The following SYNDIG1 variants were observed in gnomAD, a reference collection of about 807,000 sequenced individuals.
SYNDIG1 encodes the protein synapse differentiation inducing 1.
Under a neutral mutation model 19.4 loss-of-function variants are expected in SYNDIG1, and 9 were observed. That is an observed-to-expected ratio of 0.46 (90% CI 0.28 to 0.81). The LOEUF (loss-of-function observed/expected upper bound fraction) is 0.81. Ranked by LOEUF, SYNDIG1 falls within the 30% of genes least tolerant of loss-of-function variation. SYNDIG1 has a pLI of 0.12. For synonymous variants in SYNDIG1, 141 were observed against 145.9 expected (o/e 0.97, Z 0.24); for missense variants, 311 against 343.3 (o/e 0.91, Z 0.74).
chr20:24,558,731 A>G (rs574967058), intron 2 of SYNDIG1, among the ~76,000 whole-genome samples: 65 of 152,324 alleles, frequency 4.3e-4, no homozygotes, highest in African/African-American at 1.5e-3. Context: ...GCAAATTACA[A>G]TAAGCATCTT....
chr20:24,520,232 A>G (rs1435769636), intron 1 of SYNDIG1, among the ~76,000 whole-genome samples: 3 of 151,068 alleles, frequency 2.0e-5, no homozygotes, highest in Admixed American at 6.6e-5. Flanking sequence ...TGTTTAATAT[A>G]TAATTTTATA....
intron 3 of SYNDIG1, among the ~76,000 whole-genome samples, chr20:24,600,496 A>T (rs959545392): frequency 6.6e-6 from 1 of 151,186 alleles, no homozygotes; most frequent in Non-Finnish European, 1.5e-5. Flanking sequence ...CTTCCTCCCC[A>T]CCCAGTGACC....
chr20:24,609,426 C>T (rs2058812615), intron 3 of SYNDIG1, among the ~76,000 whole-genome samples: 1 of 152,174 alleles, frequency 6.6e-6, no homozygotes, highest in Non-Finnish European at 1.5e-5. Flanking sequence ...TAAAGGGTCA[C>T]TGAAGCACAG....
chr20:24,616,932 C>T (rs1254338494), intron 3 of SYNDIG1, among the ~76,000 whole-genome samples: 1 of 152,146 alleles, frequency 6.6e-6, no homozygotes, highest in African/African-American at 2.4e-5. Flanking sequence ...TACCAGGCCA[C>T]GTAGCAGAGC....
At chr20:24,533,835 G>T (rs1305639383) in intron 1 of SYNDIG1, among the ~76,000 whole-genome samples, 1 of 152,202 alleles carries the variant, frequency 6.6e-6, no homozygotes, top group Non-Finnish European at 1.5e-5. Context: ...CACGGAGTAG[G>T]GCACCCACGG....
intron 2 of SYNDIG1, among the ~76,000 whole-genome samples, chr20:24,554,015 G>C (rs1031875179): frequency 2.6e-5 from 4 of 152,168 alleles, no homozygotes; most frequent in Non-Finnish European, 5.9e-5. Flanking sequence ...TCCTTGAAGA[G>C]GTCCTTCACA....
At chr20:24,652,495 T>G (rs1478262120) in intron 3 of SYNDIG1, among the ~76,000 whole-genome samples, 1 of 152,212 alleles carries the variant, frequency 6.6e-6, no homozygotes, top group African/African-American at 2.4e-5. Flanking sequence ...GGTCCAGCCC[T>G]CGGCCTGCTC....
chr20:24,654,817 T>C (rs1600833455), intron 3 of SYNDIG1, among the ~76,000 whole-genome samples: 1 of 151,860 alleles, frequency 6.6e-6, no homozygotes, highest in African/African-American at 2.4e-5. Context: ...AGTGAAGGGG[T>C]ATAAAGATGA....
rs188055987 is a variant in SYNDIG1 at position 24,501,508 on chromosome 20, G to A, written c.-79+31755G>A. On this transcript the variant is annotated intron_variant, in intron 1 of 3. Transcript: ENST00000376862. ...CAGCCGTTTATGTGGCTGCATTTCT[G>A]ATGGGAAGCTATATAGAGTAGGGAC... Among the ~76,000 whole-genome samples, 29 of 152,262 alleles carry A rather than the reference G, an allele frequency of 1.9e-4. No individual in the cohort carries two copies. The Middle Eastern group carries it at 0.014, about 71-fold the overall frequency.
intron 1 of SYNDIG1, among the ~76,000 whole-genome samples, chr20:24,533,076 G>C (rs988178447): frequency 6.6e-6 from 1 of 152,012 alleles, no homozygotes; most frequent in Admixed American, 6.6e-5. Flanking sequence ...AGATTACTCC[G>C]CCTTCTGAGA....
At chr20:24,548,778 C>A (rs2057642847) in intron 2 of SYNDIG1, among the ~76,000 whole-genome samples, 1 of 152,114 alleles carries the variant, frequency 6.6e-6, no homozygotes, top group African/African-American at 2.4e-5. Flanking sequence ...AACATCCTTG[C>A]CTTGCTCCTG....
At chr20:24,655,978 A>C (rs770012888) in intron 3 of SYNDIG1, among the ~76,000 whole-genome samples, 11 of 152,216 alleles carry the variant, frequency 7.2e-5, no homozygotes, top group Non-Finnish European at 1.3e-4. Context: ...GTCAGACACC[A>C]TCGTGCGTGT....
At chr20:24,481,463 G>T (rs1018311466) in intron 1 of SYNDIG1, among the ~76,000 whole-genome samples, 1 of 152,176 alleles carries the variant, frequency 6.6e-6, no homozygotes, top group East Asian at 1.9e-4. Flanking sequence ...TTCATATGCC[G>T]AGGCTTCTGC....
chr20:24,470,578 T>C (rs1250158518), intron 1 of SYNDIG1, among the ~76,000 whole-genome samples: 2 of 151,850 alleles, frequency 1.3e-5, no homozygotes, highest in African/African-American at 4.9e-5. Flanking sequence ...GTGCACTCTC[T>C]GGGCAGTGAG....
chr20:24,634,570 A>C (rs1233856933), intron 3 of SYNDIG1, among the ~76,000 whole-genome samples: 1 of 152,232 alleles, frequency 6.6e-6, no homozygotes, highest in Non-Finnish European at 1.5e-5. Flanking sequence ...AGATAAAATA[A>C]AAGATATTGT....
At chr20:24,556,727 C>G (rs1385673786) in intron 2 of SYNDIG1, among the ~76,000 whole-genome samples, 2 of 152,224 alleles carry the variant, frequency 1.3e-5, no homozygotes, top group Admixed American at 1.3e-4. Flanking sequence ...TTCTCTCTAG[C>G]TGCCCTTAAC....
At chr20:24,537,930 C>T (rs1415653454) in intron 1 of SYNDIG1, among the ~76,000 whole-genome samples, 1 of 152,126 alleles carries the variant, frequency 6.6e-6, no homozygotes, top group African/African-American at 2.4e-5. Flanking sequence ...GGTCAGCGCA[C>T]AGTCTTCTTT....
intron 2 of SYNDIG1, among the ~76,000 whole-genome samples, chr20:24,571,795 C>G (rs947269391): frequency 1.3e-5 from 2 of 152,162 alleles, no homozygotes; most frequent in Non-Finnish European, 2.9e-5. Context: ...CAGAGGCAAC[C>G]TTTTGAAATT....
At chr20:24,511,513 C>T (rs1183011539) in intron 1 of SYNDIG1, among the ~76,000 whole-genome samples, 1 of 152,050 alleles carries the variant, frequency 6.6e-6, no homozygotes, top group Non-Finnish European at 1.5e-5. Flanking sequence ...CTGAGCTTCC[C>T]GTCTTTGTTT....
Sources: gnomAD v4.1 joint callset for allele counts (sites outside exome capture counted in the v4.1 genomes callset) on GRCh38, gnomAD v4.1.1 for gene constraint, MANE v1.5 for transcripts, NCBI Gene and HGNC (gene_info 2026-07-23, HGNC 2026-07-21) for gene names.